KCNN2: variants seen among roughly 807,000 people sequenced by gnomAD.
The protein encoded by KCNN2 is potassium calcium-activated channel subfamily N member 2, also known as small conductance calcium-activated potassium channel protein 2.
A neutral mutation model predicts 55.5 loss-of-function variants in KCNN2; 24 were observed. The observed-to-expected ratio is 0.43, with a 90% CI of 0.31 to 0.61. KCNN2 has a LOEUF of 0.61. KCNN2 is among the 20% of genes least tolerant of loss of function. The pLI, the probability that KCNN2 is intolerant of heterozygous loss-of-function variation, is 0.08. For missense variants in KCNN2, 754 were observed against 853.6 expected (o/e 0.88, Z 1.45); for synonymous variants, 431 against 336.1 (o/e 1.28, Z -3.09).
chr5:114,415,549 C>G, intron 3 of KCNN2, among the ~76,000 whole-genome samples: 1 of 152,220 alleles, frequency 6.6e-6, no homozygotes, highest in African/African-American at 2.4e-5. Flanking sequence ...AATATATGGT[C>G]TTAATATACG....
intron 1 of KCNN2, among the ~76,000 whole-genome samples, chr5:114,141,648 G>T (rs1187931592): frequency 6.6e-6 from 1 of 152,190 alleles, no homozygotes; most frequent in Non-Finnish European, 1.5e-5. Flanking sequence ...TATATACCCA[G>T]TAATGGGATG....
In KCNN2 at chr5:114,496,138, C is replaced by T. The variant is rs375940501; in HGVS notation, c.2332C>T (p.Arg778Trp). ...ERSRSSSRRR[R>W]SSSTAPPTSS... Reference sequence around the variant, plus strand: ...GTCCCGGTCCTCGTCCAGGAGGCGGCGGTCCTCTTCCACAGCACCACCAAC... The same window carrying T: ...GTCCCGGTCCTCGTCCAGGAGGCGGTGGTCCTCTTCCACAGCACCACCAAC... Residue 778 changes from arginine to tryptophan, a missense_variant, in exon 8 of 8, where the codon CGG becomes TGG. Arg to Trp is a moderately radical substitution (Grantham distance 101). Around this residue, in one of 4 missense-constraint regions of KCNN2, gnomAD observed 164 missense variants for 156.6 expected, o/e 1.05. Transcript: ENST00000673685. The T allele has an allele frequency of 1.5e-5, 25 of 1,613,788 alleles. No individual in the cohort carries two copies. The highest frequency in any genetic ancestry group is 6.7e-5 in the East Asian group (3 of 44,844).
At chr5:114,422,284 A>G (rs1243457019) in intron 3 of KCNN2, among the ~76,000 whole-genome samples, 1 of 152,130 alleles carries the variant, frequency 6.6e-6, no homozygotes, top group Non-Finnish European at 1.5e-5. Flanking sequence ...GGGGTCTTTC[A>G]TAGATGATTG....
intron 3 of KCNN2, among the ~76,000 whole-genome samples, chr5:114,421,061 T>C (rs1759457685): frequency 2.6e-5 from 4 of 152,212 alleles, no homozygotes; most frequent in Non-Finnish European, 4.4e-5. Flanking sequence ...TTTTGTACCT[T>C]TCCAATACAG....
chr5:114,224,848 C>T (rs1034955555), intron 2 of KCNN2, among the ~76,000 whole-genome samples: 1 of 152,130 alleles, frequency 6.6e-6, no homozygotes, highest in Non-Finnish European at 1.5e-5. Flanking sequence ...CTGTGACATC[C>T]AGGGTGTCTG....
chr5:114,093,914 A>G (rs577168829), intron 1 of KCNN2, among the ~76,000 whole-genome samples: 86 of 152,304 alleles, frequency 5.6e-4, no homozygotes, highest in African/African-American at 2.0e-3. Context: ...TCCCTGTTAC[A>G]GATATTCTCA....
At chr5:114,246,126 A>G (rs898268438) in intron 2 of KCNN2, among the ~76,000 whole-genome samples, 1 of 151,958 alleles carries the variant, frequency 6.6e-6, no homozygotes, top group African/African-American at 2.4e-5. Flanking sequence ...TTTATTTCCT[A>G]TTTTCGTGAA....
chr5:114,215,516 T>G (rs1196630749), intron 1 of KCNN2, among the ~76,000 whole-genome samples: 1 of 152,154 alleles, frequency 6.6e-6, no homozygotes, highest in African/African-American at 2.4e-5. Flanking sequence ...ACTCCAGGCT[T>G]TGAAAAACAG....
chr5:114,283,768 C>G (rs1755676158), intron 2 of KCNN2, among the ~76,000 whole-genome samples: 1 of 152,138 alleles, frequency 6.6e-6, no homozygotes, highest in Admixed American at 6.5e-5. Context: ...TGAAAGCAGT[C>G]TCAAATTAAG....
intron 3 of KCNN2, among the ~76,000 whole-genome samples, chr5:114,434,776 G>T (rs1384197233): frequency 6.6e-6 from 1 of 152,156 alleles, no homozygotes; most frequent in Non-Finnish European, 1.5e-5. Flanking sequence ...AGTAAGGCTA[G>T]AAGGGGCTGA....
chr5:114,200,299 C>G (rs1753647489), intron 1 of KCNN2, among the ~76,000 whole-genome samples: 1 of 151,792 alleles, frequency 6.6e-6, no homozygotes, highest in African/African-American at 2.4e-5. Flanking sequence ...ATTGTTGAAG[C>G]TGTCAAATGT....
intron 2 of KCNN2, among the ~76,000 whole-genome samples, chr5:114,345,423 G>T (rs768425716): frequency 2.0e-5 from 3 of 152,154 alleles, no homozygotes; most frequent in Non-Finnish European, 4.4e-5. Flanking sequence ...CTGTTGCATA[G>T]CTCTGACACT....
At chr5:114,263,172 GA>G (rs951696157) in intron 2 of KCNN2, among the ~76,000 whole-genome samples, 7 of 150,398 alleles carry the variant, frequency 4.7e-5, no homozygotes, top group African/African-American at 1.2e-4. Flanking sequence ...GCTGAAAAAG[GA>G]AAAAAAAAGC....
At chr5:114,325,036 G>A (rs1044181614) in intron 2 of KCNN2, among the ~76,000 whole-genome samples, 1 of 152,184 alleles carries the variant, frequency 6.6e-6, no homozygotes, top group Non-Finnish European at 1.5e-5. Context: ...CAAGCTGAAG[G>A]AAAGAGGATT....
intron 3 of KCNN2, among the ~76,000 whole-genome samples, chr5:114,455,573 A>T (rs1182704715): frequency 6.6e-6 from 1 of 152,224 alleles, no homozygotes; most frequent in Non-Finnish European, 1.5e-5. Context: ...AGGATTGCGT[A>T]TCTCTCACTT....
rs185362834 is a variant in KCNN2 at position 114,372,662 on chromosome 5, G to A, written c.1218+8661G>A. Among the ~76,000 whole-genome samples, 324 of 152,060 alleles carry A rather than the reference G, an allele frequency of 2.1e-3. 1 individual carries two copies. The highest frequency in any genetic ancestry group is 7.3e-3 in the African/African-American group (304 of 41,498). ...GAAACATAGGAAAATATGAAAAGTA[G>A]TATAAATTAGTCTAATCTTACCACC... On this transcript the variant is annotated intron_variant, in intron 2 of 7. Transcript: ENST00000673685.
intron 1 of KCNN2, among the ~76,000 whole-genome samples, chr5:114,115,958 T>A (rs1251815794): frequency 6.6e-6 from 1 of 152,092 alleles, no homozygotes; most frequent in Admixed American, 6.6e-5. Context: ...TAGATGAGAA[T>A]GGGACAGTAA....
At chr5:114,120,021 G>T (rs1177292123) in intron 1 of KCNN2, among the ~76,000 whole-genome samples, 3 of 152,090 alleles carry the variant, frequency 2.0e-5, no homozygotes, top group Non-Finnish European at 2.9e-5. Context: ...ACTCAGTAAA[G>T]GGCATATAAG....
intron 3 of KCNN2, among the ~76,000 whole-genome samples, chr5:114,430,654 C>A (rs1002536786): frequency 6.6e-6 from 1 of 152,046 alleles, no homozygotes; most frequent in African/African-American, 2.4e-5. Flanking sequence ...AACAGACATC[C>A]TTGCCTTGTT....
Sources: allele counts gnomAD v4.1 joint callset (sites outside exome capture counted in the v4.1 genomes callset), GRCh38; gene constraint gnomAD v4.1.1; regional missense constraint gnomAD v4.1.1; transcripts MANE v1.5; gene names NCBI Gene and HGNC (gene_info 2026-07-23, HGNC 2026-07-21).